GLRA2: variants seen among roughly 807,000 people sequenced by gnomAD.
The protein encoded by GLRA2 is glycine receptor alpha 2.
A neutral mutation model predicts 31.6 loss-of-function variants in GLRA2; 11 were observed. The ratio of observed to expected loss-of-function variants is 0.35; its 90% CI spans 0.22 to 0.58. The LOEUF is 0.58. Ranked by LOEUF, GLRA2 falls within the 20% of genes least tolerant of loss-of-function variation. The probability of loss-of-function intolerance (pLI) is 0.84; values close to 1 mark genes in which losing one functional copy is unlikely to be tolerated. For missense variants in GLRA2, 212 were observed against 351.8 expected (o/e 0.60, Z 3.18); for synonymous variants, 132 against 134.0 (o/e 0.99, Z 0.10).
At chrX:14,526,759 G>A (rs1404570572), upstream of GLRA2, among the ~76,000 whole-genome samples, 1 of 112,015 alleles carries the variant, frequency 8.9e-6, no homozygotes, top group Non-Finnish European at 1.9e-5. Flanking sequence ...GAAAGCAGTT[G>A]GATGTATAGG....
At chrX:14,503,102 T>C in the GLRA2 span, among the ~76,000 whole-genome samples, 2 of 111,097 alleles carry the variant, frequency 1.8e-5, no homozygotes, top group Non-Finnish European at 3.8e-5. Context: ...CAAATAACTT[T>C]TGGCAAGTAA....
intron 8 of GLRA2, among the ~76,000 whole-genome samples, chrX:14,709,128 G>C (rs1274420160): frequency 9.0e-6 from 1 of 111,193 alleles, no homozygotes; most frequent in Non-Finnish European, 1.9e-5. Flanking sequence ...CCTGCTACTT[G>C]AGTGGCTGAG....
the GLRA2 span, among the ~76,000 whole-genome samples, chrX:14,472,797 T>C: frequency 2.7e-5 from 3 of 111,420 alleles, no homozygotes; most frequent in Admixed American, 9.6e-5. Context: ...GTCTGTACCA[T>C]CAAATCTCAA....
intron 4 of GLRA2, among the ~76,000 whole-genome samples, chrX:14,594,932 G>T (rs192486781): frequency 2.2e-4 from 16 of 72,082 alleles, no homozygotes; most frequent in Admixed American, 1.2e-3. Context: ...ACATCCCAAG[G>T]TCAACAGGAA....
the GLRA2 span, among the ~76,000 whole-genome samples, chrX:14,473,542 A>T: frequency 8.9e-6 from 1 of 112,232 alleles, no homozygotes; most frequent in East Asian, 2.8e-4. Context: ...GGACATCAGC[A>T]TTGCTGATTG....
At chrX:14,563,457 C>T (rs1179250936) in intron 2 of GLRA2, among the ~76,000 whole-genome samples, 1 of 112,292 alleles carries the variant, frequency 8.9e-6, no homozygotes, top group Non-Finnish European at 1.9e-5. Context: ...GCCTACTATA[C>T]CCTTCAACAG....
chrX:14,507,689 C>CTTTTTTT, the GLRA2 span, among the ~76,000 whole-genome samples: 178 of 46,633 alleles, frequency 3.8e-3, 29 homozygotes, highest in Non-Finnish European at 5.5e-3. Context: ...GAAAGACATT[C>CTTTTTTT]TTTTTTTTTT....
At chrX:14,472,039 C>A in the GLRA2 span, among the ~76,000 whole-genome samples, 11 of 111,872 alleles carry the variant, frequency 9.8e-5, no homozygotes, top group Non-Finnish European at 1.9e-4. Context: ...TAGAAGCCAA[C>A]GAATACATCC....
intron 7 of GLRA2, among the ~76,000 whole-genome samples, chrX:14,619,725 A>G (rs1031457604): frequency 9.0e-6 from 1 of 110,942 alleles, no homozygotes. Context: ...CCTTATAGCA[A>G]CACTATCATT....
the GLRA2 span, among the ~76,000 whole-genome samples, chrX:14,457,873 C>CT: frequency 0.044 from 4,639 of 106,190 alleles, 258 homozygotes; most frequent in African/African-American, 0.15. Context: ...CGTTTCTTGA[C>CT]TTTTTTTTTT....
At chrX:14,589,543 T>C (rs1413610496) in intron 4 of GLRA2, among the ~76,000 whole-genome samples, 2 of 101,704 alleles carry the variant, frequency 2.0e-5, no homozygotes, top group Non-Finnish European at 4.0e-5. Context: ...TGGTGTCGGG[T>C]GCCTGTAGTC....
intron 3 of GLRA2, among the ~76,000 whole-genome samples, chrX:14,577,823 C>A (rs1395688977): frequency 9.0e-6 from 1 of 111,553 alleles, no homozygotes; most frequent in Non-Finnish European, 1.9e-5. Flanking sequence ...GTCATCACAG[C>A]CCAAGCTTTC....
chrX:14,692,994 T>C (rs1400760208), intron 8 of GLRA2, among the ~76,000 whole-genome samples: 1 of 110,450 alleles, frequency 9.1e-6, no homozygotes, highest in Non-Finnish European at 1.9e-5. Context: ...TATACATATG[T>C]AACTAACCTG....
intron 2 of GLRA2, among the ~76,000 whole-genome samples, chrX:14,549,333 A>G (rs62588108): frequency 0.24 from 26,776 of 111,129 alleles, 2,389 homozygotes; most frequent in South Asian, 0.26. Context: ...TGTAAAGAAG[A>G]TTATTGAAGC....
intron 4 of GLRA2, among the ~76,000 whole-genome samples, chrX:14,596,412 G>T (rs1475228593): frequency 9.0e-6 from 1 of 110,661 alleles, no homozygotes; most frequent in Non-Finnish European, 1.9e-5. Flanking sequence ...TGGCTTCACT[G>T]CCCTGACTTA....
At chrX:14,621,361 ATTTG>A (rs1452374190) in intron 7 of GLRA2, among the ~76,000 whole-genome samples, 7 of 109,197 alleles carry the variant, frequency 6.4e-5, no homozygotes, top group East Asian at 5.8e-4. Flanking sequence ...TGTTCTGATT[ATTTG>A]TTCTTTTTTT....
chrX:14,646,675 G>A (rs1483152445), intron 7 of GLRA2, among the ~76,000 whole-genome samples: 1 of 111,803 alleles, frequency 8.9e-6, no homozygotes. Context: ...CCAGTCCAGT[G>A]GACTTGAAAG....
At chrX:14,619,009 T>C (rs1182355525) in intron 7 of GLRA2, among the ~76,000 whole-genome samples, 3 of 111,582 alleles carry the variant, frequency 2.7e-5, no homozygotes, top group Non-Finnish European at 3.8e-5. Context: ...TAATAATCTC[T>C]GTGTTTTAAG....
chrX:14,604,495 C>G (rs1266861270), intron 5 of GLRA2, 98 bp downstream of exon 5: 1 of 496,455 alleles, frequency 2.0e-6, no homozygotes, highest in Non-Finnish European at 3.4e-6. Flanking sequence ...ACAACTCATT[C>G]CCTATATACT....
Sources: gnomAD v4.1 joint callset for allele counts (sites outside exome capture counted in the v4.1 genomes callset) on GRCh38, gnomAD v4.1.1 for gene constraint, MANE v1.5 for transcripts, NCBI Gene and HGNC (gene_info 2026-07-23, HGNC 2026-07-21) for gene names.